The following SNX24 variants were observed in gnomAD, a reference collection of about 807,000 sequenced individuals.
The protein encoded by SNX24 is sorting nexin-24.
Under a neutral mutation model 28.7 loss-of-function variants are expected in SNX24, and 22 were observed. That is an observed-to-expected ratio of 0.77 (90% CI 0.55 to 1.10). The LOEUF (loss-of-function observed/expected upper bound fraction) is 1.10. Among genes scored for constraint, SNX24 ranks in the 50% least tolerant of loss-of-function variants. SNX24 has a pLI of 0.00. For missense variants in SNX24, 221 were observed against 201.1 expected (o/e 1.10, Z -0.60); for synonymous variants, 69 against 71.5 (o/e 0.96, Z 0.18).
At chr5:122,972,364 G>A (rs1009558143) in intron 3 of SNX24, among the ~76,000 whole-genome samples, 11 of 152,262 alleles carry the variant, frequency 7.2e-5, no homozygotes, top group African/African-American at 1.7e-4. Context: ...ATTCCTAGAC[G>A]CGTGAATCCT....
At chr5:122,930,777 G>A (rs1383162853) in intron 1 of SNX24, among the ~76,000 whole-genome samples, 5 of 152,042 alleles carry the variant, frequency 3.3e-5, no homozygotes, top group African/African-American at 1.2e-4. Flanking sequence ...TCTTTCGAAA[G>A]CAGAATCATA....
chr5:122,875,689 G>A (rs1243605828), intron 1 of SNX24, among the ~76,000 whole-genome samples: 1 of 152,242 alleles, frequency 6.6e-6, no homozygotes, highest in African/African-American at 2.4e-5. Context: ...AATTACTTTT[G>A]TACCAACCTA....
At chr5:122,932,492 G>C (rs1335184883) in intron 1 of SNX24, among the ~76,000 whole-genome samples, 1 of 152,130 alleles carries the variant, frequency 6.6e-6, no homozygotes, top group Non-Finnish European at 1.5e-5. Context: ...TAAACAGGTA[G>C]GTCAGGCTTA....
chr5:122,927,191 C>T (rs1293584855), intron 1 of SNX24, among the ~76,000 whole-genome samples: 3 of 152,154 alleles, frequency 2.0e-5, no homozygotes, highest in East Asian at 3.8e-4. Context: ...GAGGCTTGTA[C>T]AGGTTAAACA....
intron 1 of SNX24, among the ~76,000 whole-genome samples, chr5:122,922,593 A>G (rs993246407): frequency 2.0e-5 from 3 of 152,036 alleles, no homozygotes; most frequent in Non-Finnish European, 4.4e-5. Flanking sequence ...TAAATTTAAA[A>G]TAGCAATAAA....
At chr5:122,913,710 CG>C (rs2150093063) in intron 1 of SNX24, among the ~76,000 whole-genome samples, 1 of 152,248 alleles carries the variant, frequency 6.6e-6, no homozygotes, top group African/African-American at 2.4e-5. Context: ...GATGGGATGG[CG>C]GCCGGGCAGA....
intron 3 of SNX24, among the ~76,000 whole-genome samples, chr5:122,983,553 G>A (rs759511173): frequency 2.0e-5 from 3 of 152,172 alleles, no homozygotes; most frequent in Non-Finnish European, 4.4e-5. Context: ...TAGAATGACT[G>A]GCTATTCAGA....
intron 3 of SNX24, among the ~76,000 whole-genome samples, chr5:122,956,361 A>AAT (rs1305495948): frequency 7.8e-5 from 7 of 89,832 alleles, no homozygotes; most frequent in Non-Finnish European, 1.1e-4. Context: ...GGAAAAAAAA[A>AAT]ATATATACAC....
chr5:122,953,161 G>T (rs1167836545), intron 3 of SNX24, among the ~76,000 whole-genome samples: 1 of 149,648 alleles, frequency 6.7e-6, no homozygotes, highest in East Asian at 2.0e-4. Flanking sequence ...CTGGAGTGCA[G>T]TGGCACAATC....
chr5:123,003,098 G>A (rs1264021759), intron 6 of SNX24, among the ~76,000 whole-genome samples: 1 of 152,146 alleles, frequency 6.6e-6, no homozygotes, highest in Non-Finnish European at 1.5e-5. Flanking sequence ...CCCTGTTTCT[G>A]ACAATAAAAC....
At chr5:123,007,659 C>CTTTTTTTTTTTTTTTTTT in intron 6 of SNX24, 23 bp from the exon 7 acceptor site, 2 of 1,153,144 alleles carry the variant, frequency 1.7e-6, no homozygotes, top group Middle Eastern at 2.2e-4. Context: ...TTTTTTTTTT[C>CTTTTTTTTTTTTTTTTTT]TTTTTTTTTT....
At chr5:122,968,144 A>T (rs890711498) in intron 3 of SNX24, among the ~76,000 whole-genome samples, 3 of 152,224 alleles carry the variant, frequency 2.0e-5, no homozygotes, top group Non-Finnish European at 2.9e-5. Context: ...ACCTGAGGTC[A>T]GGAGTTCAAA....
chr5:122,906,263 GCTCA>G (rs1332822260), intron 1 of SNX24, among the ~76,000 whole-genome samples: 2 of 152,144 alleles, frequency 1.3e-5, no homozygotes, highest in Non-Finnish European at 2.9e-5. Flanking sequence ...CCCATACCTG[GCTCA>G]CTCTGGGTTC....
intron 1 of SNX24, among the ~76,000 whole-genome samples, chr5:122,888,408 T>C (rs996373937): frequency 6.6e-5 from 10 of 152,210 alleles, no homozygotes; most frequent in African/African-American, 1.7e-4. Flanking sequence ...TGTGTTGTCT[T>C]GGGCATATTA....
intron 6 of SNX24, among the ~76,000 whole-genome samples, chr5:123,002,404 G>A (rs538691982): frequency 1.4e-4 from 21 of 152,086 alleles, no homozygotes; most frequent in Non-Finnish European, 2.8e-4. Context: ...AGGCCAAGGC[G>A]GGTGGATCAT....
intron 3 of SNX24, among the ~76,000 whole-genome samples, chr5:122,956,983 T>C (rs1352926069): frequency 6.6e-6 from 1 of 152,200 alleles, no homozygotes; most frequent in Non-Finnish European, 1.5e-5. Context: ...ATTTTATATA[T>C]TGCCTTTTTT....
chr5:122,933,381 C>T (rs1759045841), intron 1 of SNX24, among the ~76,000 whole-genome samples: 1 of 152,214 alleles, frequency 6.6e-6, no homozygotes, highest in South Asian at 2.1e-4. Flanking sequence ...GAGGCCTCCT[C>T]AGCTGCAGGC....
chr5:122,852,219 C>T (rs1473906245), intron 1 of SNX24, among the ~76,000 whole-genome samples: 2 of 151,476 alleles, frequency 1.3e-5, no homozygotes, highest in East Asian at 1.9e-4. Context: ...GAAAGTGCAG[C>T]TTTGTTACGT....
chr5:122,954,450 G>A (rs1221405384), intron 3 of SNX24, among the ~76,000 whole-genome samples: 2 of 151,664 alleles, frequency 1.3e-5, no homozygotes, highest in Non-Finnish European at 2.9e-5. Flanking sequence ...TTCAGCCATC[G>A]GTGCTATCAC....
Sources: allele counts gnomAD v4.1 joint callset (sites outside exome capture counted in the v4.1 genomes callset), GRCh38; gene constraint gnomAD v4.1.1; transcripts MANE v1.5; gene names NCBI Gene and HGNC (gene_info 2026-07-23, HGNC 2026-07-21).